Variants in SCHIP1 observed in about 807,000 individuals in gnomAD.
The protein encoded by SCHIP1 is schwannomin interacting protein 1, also known as schwannomin-interacting protein 1.
SCHIP1 carries 8 observed loss-of-function variants against 29.7 expected under a neutral mutation model. That is an observed-to-expected ratio of 0.27 (90% CI 0.16 to 0.49). SCHIP1 has a LOEUF of 0.49. Ranked by LOEUF, SCHIP1 falls within the 20% of genes least tolerant of loss-of-function variation. The pLI is 0.99. For missense variants in SCHIP1, 193 were observed against 294.6 expected, an observed-to-expected ratio of 0.66 and a Z score of 2.52; for synonymous variants, 76 against 94.9, an observed-to-expected ratio of 0.80 and a Z score of 1.16.
the SCHIP1 span, among the ~76,000 whole-genome samples, chr3:159,522,191 A>G: frequency 2.6e-5 from 4 of 152,256 alleles, no homozygotes; most frequent in Non-Finnish European, 5.9e-5. Context: ...AAATACAGTC[A>G]TGCAGAATAA....
At chr3:159,460,000 C>CTCCT in the SCHIP1 span, among the ~76,000 whole-genome samples, 1 of 152,190 alleles carries the variant, frequency 6.6e-6, no homozygotes, top group African/African-American at 2.4e-5. Context: ...TTAACTCAGT[C>CTCCT]TGTAGTCCTG....
chr3:159,685,926 A>G, the SCHIP1 span, among the ~76,000 whole-genome samples: 1 of 152,356 alleles, frequency 6.6e-6, no homozygotes, highest in East Asian at 1.9e-4. Flanking sequence ...CCAAGAATAA[A>G]TGAGAGCACA....
chr3:159,306,613 A>T, the SCHIP1 span: 1 of 897,592 alleles, frequency 1.1e-6, no homozygotes, highest in Non-Finnish European at 1.3e-6. Flanking sequence ...CAAACACCTC[A>T]CTACTTTAGC....
chr3:159,835,295 T>C (rs1399293111), upstream of SCHIP1, among the ~76,000 whole-genome samples: 1 of 152,208 alleles, frequency 6.6e-6, no homozygotes, highest in Non-Finnish European at 1.5e-5. Flanking sequence ...CATCTGAGCA[T>C]ACAGTTTCAA....
chr3:159,372,416 G>T, the SCHIP1 span, among the ~76,000 whole-genome samples: 23 of 152,030 alleles, frequency 1.5e-4, no homozygotes, highest in Non-Finnish European at 2.9e-4. Flanking sequence ...TTTTAAAAAT[G>T]TTTAAATAAT....
the SCHIP1 span, among the ~76,000 whole-genome samples, chr3:159,349,351 C>T: frequency 3.9e-5 from 6 of 152,170 alleles, no homozygotes; most frequent in Admixed American, 1.3e-4. Flanking sequence ...ACTCTTTATA[C>T]ATTAAAAAGT....
At chr3:159,892,397 C>A in intron 6 of SCHIP1, 1 of 620,158 alleles carries the variant, frequency 1.6e-6, no homozygotes, top group South Asian at 2.0e-5. Context: ...CCATCCCCCC[C>A]TTGTGATGAA....
chr3:159,397,927 G>A, the SCHIP1 span, among the ~76,000 whole-genome samples: 3 of 152,116 alleles, frequency 2.0e-5, no homozygotes, highest in Non-Finnish European at 4.4e-5. Flanking sequence ...CCCCAGCCTC[G>A]CTGCCACCTT....
chr3:159,678,653 A>T, the SCHIP1 span, among the ~76,000 whole-genome samples: 1 of 152,238 alleles, frequency 6.6e-6, no homozygotes, highest in Admixed American at 6.5e-5. Context: ...TAGCTGGAAA[A>T]GTAGAAGGGA....
the SCHIP1 span, among the ~76,000 whole-genome samples, chr3:159,479,206 C>A: frequency 6.6e-6 from 1 of 151,986 alleles, no homozygotes; most frequent in Non-Finnish European, 1.5e-5. Context: ...AAAATTTTGG[C>A]AATGATTATC....
At chr3:159,449,253 G>A in the SCHIP1 span, among the ~76,000 whole-genome samples, 1 of 152,102 alleles carries the variant, frequency 6.6e-6, no homozygotes. Flanking sequence ...ATGGTGTGTA[G>A]ATCTTGGATA....
chr3:159,675,297 T>C, the SCHIP1 span, among the ~76,000 whole-genome samples: 5 of 152,206 alleles, frequency 3.3e-5, no homozygotes, highest in African/African-American at 1.2e-4. Context: ...GGAAAATGCA[T>C]ATATTAAATT....
chr3:159,819,808 T>A, the SCHIP1 span, among the ~76,000 whole-genome samples: 36 of 152,346 alleles, frequency 2.4e-4, no homozygotes, highest in Admixed American at 3.9e-4. Context: ...GCCAGTAGCC[T>A]AAGGGAAGCC....
the SCHIP1 span, among the ~76,000 whole-genome samples, chr3:159,595,342 C>A: frequency 4.6e-5 from 7 of 152,010 alleles, no homozygotes; most frequent in Non-Finnish European, 7.4e-5. Context: ...GTTATTCCTG[C>A]TTCAATGGTG....
the SCHIP1 span, among the ~76,000 whole-genome samples, chr3:159,347,872 A>C: frequency 2.0e-5 from 3 of 152,170 alleles, no homozygotes; most frequent in South Asian, 6.2e-4. Context: ...CCTTTCAAAA[A>C]AAGATGTCAT....
At chr3:159,680,082 A>G in the SCHIP1 span, among the ~76,000 whole-genome samples, 12 of 151,832 alleles carry the variant, frequency 7.9e-5, no homozygotes, top group Non-Finnish European at 1.5e-5. Context: ...CTTCTTAACC[A>G]GTTCATTGGG....
chr3:159,433,023 T>C, the SCHIP1 span, among the ~76,000 whole-genome samples: 18 of 152,174 alleles, frequency 1.2e-4, no homozygotes, highest in African/African-American at 3.6e-4. Flanking sequence ...GCTTCTAACA[T>C]AGCACAATAA....
chr3:159,512,688 C>T, the SCHIP1 span, among the ~76,000 whole-genome samples: 6 of 152,174 alleles, frequency 3.9e-5, no homozygotes, highest in African/African-American at 1.4e-4. Context: ...AAGCATTTAT[C>T]ATTTGAGTGA....
chr3:159,629,469 T>C, the SCHIP1 span, among the ~76,000 whole-genome samples: 1 of 152,188 alleles, frequency 6.6e-6, no homozygotes, highest in Non-Finnish European at 1.5e-5. Context: ...CCAAATCTTA[T>C]TGTTCAGGGA....
Sources: gnomAD v4.1 joint callset for allele counts (sites outside exome capture counted in the v4.1 genomes callset) on GRCh38, gnomAD v4.1.1 for gene constraint, MANE v1.5 for transcripts, NCBI Gene and HGNC (gene_info 2026-07-23, HGNC 2026-07-21) for gene names.